Variants in LRFN5 observed in about 807,000 individuals in gnomAD.
LRFN5 encodes leucine rich repeat and fibronectin type III domain containing 5, also known as leucine-rich repeat and fibronectin type-III domain-containing protein 5.
In LRFN5, 24 loss-of-function variants were observed where a neutral mutation model predicts 45.6. The observed-to-expected ratio is 0.53, with a 90% CI of 0.38 to 0.74. The LOEUF is 0.74. Among genes scored for constraint, LRFN5 ranks in the 30% least tolerant of loss-of-function variants. The pLI, the probability that LRFN5 is intolerant of heterozygous loss-of-function variation, is 0.00. For synonymous variants in LRFN5, 340 were observed against 313.8 expected (o/e 1.08, Z -0.88); for missense variants, 776 against 861.5 (o/e 0.90, Z 1.24).
intron 2 of LRFN5, among the ~76,000 whole-genome samples, chr14:41,872,158 T>G (rs1216412733): frequency 1.3e-5 from 2 of 152,244 alleles, no homozygotes; most frequent in Admixed American, 1.3e-4. Context: ...ATATTTGTTT[T>G]TAGTAATTTT....
chr14:41,736,968 GA>G (rs986450397), intron 1 of LRFN5, among the ~76,000 whole-genome samples: 32 of 150,504 alleles, frequency 2.1e-4, no homozygotes, highest in African/African-American at 7.1e-4. Context: ...CCAAACAATA[GA>G]AAAAAAAAGG....
At chr14:41,860,676 G>T (rs1889630075) in intron 2 of LRFN5, among the ~76,000 whole-genome samples, 1 of 152,150 alleles carries the variant, frequency 6.6e-6, no homozygotes, top group South Asian at 2.1e-4. Context: ...GGATAAGTAA[G>T]CAAATGACTC....
At chr14:41,653,630 A>G (rs1880235126) in intron 1 of LRFN5, among the ~76,000 whole-genome samples, 1 of 152,158 alleles carries the variant, frequency 6.6e-6, no homozygotes. Context: ...ATTTTATTTT[A>G]AGTAAAATTT....
intron 2 of LRFN5, among the ~76,000 whole-genome samples, chr14:41,869,173 C>T (rs915613026): frequency 1.3e-5 from 2 of 152,086 alleles, no homozygotes; most frequent in Non-Finnish European, 2.9e-5. Context: ...ATTTATATTT[C>T]TGTTCTACTC....
intron 1 of LRFN5, among the ~76,000 whole-genome samples, chr14:41,723,851 G>T (rs1883824559): frequency 6.6e-6 from 1 of 152,076 alleles, no homozygotes; most frequent in Non-Finnish European, 1.5e-5. Context: ...CCATCATAAT[G>T]CCATGTCACC....
At chr14:41,862,861 CTTTTTTTTTTT>C (rs536861522) in intron 2 of LRFN5, among the ~76,000 whole-genome samples, 1 of 110,232 alleles carries the variant, frequency 9.1e-6, no homozygotes, top group Non-Finnish European at 1.8e-5. Flanking sequence ...TTAAGTCTCT[CTTTTTTTTTTT>C]TTTTTTTTTT....
At chr14:41,639,978 T>TTTA (rs1879497909) in intron 1 of LRFN5, among the ~76,000 whole-genome samples, 1 of 78,038 alleles carries the variant, frequency 1.3e-5, no homozygotes, top group African/African-American at 5.1e-5. Flanking sequence ...TTTTTTTTTT[T>TTTA]ATTTACAGCT....
At chr14:41,712,920 A>G (rs2138750728) in intron 1 of LRFN5, among the ~76,000 whole-genome samples, 1 of 152,242 alleles carries the variant, frequency 6.6e-6, no homozygotes, top group Admixed American at 6.5e-5. Context: ...CCACAAATAT[A>G]TGTAATTATT....
chr14:41,674,399 C>A (rs1477537418), intron 1 of LRFN5, among the ~76,000 whole-genome samples: 9 of 110,754 alleles, frequency 8.1e-5, no homozygotes, highest in Middle Eastern at 8.1e-3. Context: ...ACCTCCCTCC[C>A]GGACGGGGCG....
chr14:41,607,134 A>G lies in LRFN5; in HGVS notation c.-1625A>G, dbSNP rs1111177. 0.42 allele frequency among the ~76,000 whole-genome samples: 64,184 copies of G among 151,988 alleles called. 14,279 individuals are homozygous for G. The highest frequency in any genetic ancestry group is 0.5 in the Non-Finnish European group (34,167 of 67,930). ...TGCAGAGCTGCCCGAACGGAGGACT[A>G]TGTATGTGTGTGCGCGTGTTTGCGT... On this transcript the variant is annotated 5_prime_UTR_variant, in exon 1 of 6. It removes an upstream start codon present in the reference 5' UTR. Transcript: ENST00000298119.
intron 2 of LRFN5, among the ~76,000 whole-genome samples, chr14:41,769,350 C>T (rs1016765297): frequency 1.3e-5 from 2 of 152,128 alleles, no homozygotes; most frequent in African/African-American, 4.8e-5. Flanking sequence ...TAGCCTTGGA[C>T]AGTAGAAGAC....
chr14:41,885,364 G>C (rs1467225300), intron 2 of LRFN5, among the ~76,000 whole-genome samples: 2 of 150,892 alleles, frequency 1.3e-5, no homozygotes, highest in Admixed American at 1.3e-4. Context: ...AAGAAAACCT[G>C]ATGCAACATA....
At chr14:41,848,983 C>G (rs1281707960) in intron 2 of LRFN5, among the ~76,000 whole-genome samples, 2 of 151,860 alleles carry the variant, frequency 1.3e-5, no homozygotes, top group Non-Finnish European at 2.9e-5. Context: ...TACAGTAGGT[C>G]CCTCTCAGCA....
Position 41,834,520 on chromosome 14 carries a change from C to A in LRFN5, c.-20-52086C>A, listed in dbSNP as rs1250676261. Among the ~76,000 whole-genome samples the A allele has an allele frequency of 1.3e-5, 2 of 152,172 alleles. 1 individual carries two copies. The highest frequency in any genetic ancestry group is 4.1e-4 in the South Asian group (2 of 4,828). ...AATCTGCTGTATGCTAATTACATAACATGTTTTAATTATATTTTTATTTCA... is the reference window on the plus strand; with the variant it reads ...AATCTGCTGTATGCTAATTACATAAAATGTTTTAATTATATTTTTATTTCA... On this transcript the variant is annotated intron_variant, in intron 2 of 5. Transcript: ENST00000298119.
At chr14:41,726,330 CAATT>C (rs1186348612) in intron 1 of LRFN5, among the ~76,000 whole-genome samples, 1 of 152,094 alleles carries the variant, frequency 6.6e-6, no homozygotes, top group Non-Finnish European at 1.5e-5. Flanking sequence ...CAATTTGTGT[CAATT>C]AAAACTTTCC....
intron 2 of LRFN5, among the ~76,000 whole-genome samples, chr14:41,776,478 A>G (rs1036838082): frequency 6.6e-6 from 1 of 152,112 alleles, no homozygotes; most frequent in Non-Finnish European, 1.5e-5. Context: ...TTTTAATATA[A>G]TGACACAGTT....
chr14:41,627,197 G>GT (rs11298722), intron 1 of LRFN5, among the ~76,000 whole-genome samples: 1 of 151,982 alleles, frequency 6.6e-6, no homozygotes, highest in Non-Finnish European at 1.5e-5. Flanking sequence ...CAATTTAGTG[G>GT]TTTTTATTAT....
intron 2 of LRFN5, among the ~76,000 whole-genome samples, chr14:41,801,200 A>G (rs185205778): frequency 3.0e-4 from 45 of 152,214 alleles, no homozygotes; most frequent in African/African-American, 1.1e-3. Context: ...AATATACACA[A>G]AAATATTCAA....
intron 2 of LRFN5, among the ~76,000 whole-genome samples, chr14:41,814,569 A>T (rs894847839): frequency 1.3e-5 from 2 of 152,034 alleles, no homozygotes; most frequent in African/African-American, 2.4e-5. Flanking sequence ...TTATTAATAA[A>T]CTGTTGGCCT....
Sources: allele counts gnomAD v4.1 joint callset (sites outside exome capture counted in the v4.1 genomes callset), GRCh38; gene constraint gnomAD v4.1.1; transcripts MANE v1.5; gene names NCBI Gene and HGNC (gene_info 2026-07-23, HGNC 2026-07-21).